DMD: variants seen among roughly 807,000 people sequenced by gnomAD.
The protein encoded by DMD is mutant dystrophin.
A neutral mutation model predicts 330.1 loss-of-function variants in DMD; 63 were observed. The ratio of observed to expected loss-of-function variants is 0.19; its 90% confidence interval spans 0.16 to 0.24. The LOEUF is 0.24. Ranked by LOEUF, DMD falls within the 10% of genes least tolerant of loss-of-function variation. DMD has a pLI of 1.00. For synonymous variants in DMD, 1,223 were observed against 959.8 expected, an observed-to-expected ratio of 1.27 and a Z score of -5.07; for missense variants, 3,344 against 2,684.1, an observed-to-expected ratio of 1.25 and a Z score of -5.43.
chrX:31,283,162 T>G (rs1603293874), intron 62 of DMD, among the ~76,000 whole-genome samples: 1 of 111,682 alleles, frequency 9.0e-6, no homozygotes, highest in East Asian at 2.8e-4. Context: ...AACATAAAAA[T>G]TAACAAAAGC....
intron 55 of DMD, among the ~76,000 whole-genome samples, chrX:31,582,149 AG>A (rs1204026389): frequency 1.8e-5 from 2 of 111,921 alleles, no homozygotes; most frequent in Non-Finnish European, 3.8e-5. Context: ...ACAAAGTTTT[AG>A]GGGGCGTGTT....
intron 2 of DMD, among the ~76,000 whole-genome samples, chrX:33,013,874 G>A (rs2093750246): frequency 9.0e-6 from 1 of 110,869 alleles, no homozygotes; most frequent in Admixed American, 9.7e-5. Flanking sequence ...TACGTGTTGA[G>A]GACATGAATT....
At chrX:31,559,118 T>G (rs1473150836) in intron 55 of DMD, among the ~76,000 whole-genome samples, 3 of 112,363 alleles carry the variant, frequency 2.7e-5, no homozygotes, top group Non-Finnish European at 5.6e-5. Context: ...AAAGCAAAGA[T>G]ACTTTTCAGC....
At chrX:32,656,394 C>T (rs1453080452) in intron 9 of DMD, among the ~76,000 whole-genome samples, 1 of 111,620 alleles carries the variant, frequency 9.0e-6, no homozygotes, top group African/African-American at 3.3e-5. Flanking sequence ...TCACTCCCAT[C>T]TACACAACAT....
At chrX:32,515,681 C>T (rs1339699013) in intron 18 of DMD, among the ~76,000 whole-genome samples, 4 of 111,844 alleles carry the variant, frequency 3.6e-5, no homozygotes, top group South Asian at 3.7e-4. Context: ...GTAACTGCTA[C>T]GTAAAGCCCA....
At chrX:32,836,446 T>C (rs991855117) in intron 4 of DMD, among the ~76,000 whole-genome samples, 4 of 111,744 alleles carry the variant, frequency 3.6e-5, no homozygotes, top group African/African-American at 1.3e-4. Context: ...ACATTTGTTT[T>C]TCTCCCTCCT....
chrX:31,502,947 A>C (rs1603273791), intron 56 of DMD, among the ~76,000 whole-genome samples: 1 of 111,904 alleles, frequency 8.9e-6, no homozygotes, highest in Non-Finnish European at 1.9e-5. Context: ...ACATTTAAGT[A>C]AATAATTTTC....
At chrX:31,759,912 T>C (rs1231438568) in intron 51 of DMD, among the ~76,000 whole-genome samples, 3 of 111,578 alleles carry the variant, frequency 2.7e-5, no homozygotes, top group Middle Eastern at 4.6e-3. Context: ...TGTAGAGAAA[T>C]CAAGTGACTC....
intron 52 of DMD, among the ~76,000 whole-genome samples, chrX:31,686,613 A>T (rs1356313529): frequency 8.9e-6 from 1 of 112,428 alleles, no homozygotes; most frequent in Non-Finnish European, 1.9e-5. Context: ...AAATTAAAAG[A>T]TATGGGAGGG....
At chrX:33,212,392 C>T (rs185018299), upstream of DMD, among the ~76,000 whole-genome samples, 144 of 111,661 alleles carry the variant, frequency 1.3e-3, no homozygotes, top group African/African-American at 4.6e-3. Flanking sequence ...CATTCTTTGC[C>T]AATAGAAAGC....
chrX:32,802,496 G>A (rs1479636387), intron 7 of DMD, among the ~76,000 whole-genome samples: 1 of 111,615 alleles, frequency 9.0e-6, no homozygotes, highest in Non-Finnish European at 1.9e-5. Flanking sequence ...GTGCTGGCCA[G>A]AACTTCCAAT....
chrX:33,218,491 CTATAGA>C (rs1188210680), intron 1 of DMD, among the ~76,000 whole-genome samples: 2 of 110,472 alleles, frequency 1.8e-5, no homozygotes, highest in Non-Finnish European at 3.8e-5. Flanking sequence ...ACTTTTTTGC[CTATAGA>C]TAAAGTGTCT....
intron 62 of DMD, among the ~76,000 whole-genome samples, chrX:31,307,407 T>C (rs2055125308): frequency 8.9e-6 from 1 of 111,907 alleles, no homozygotes; most frequent in Non-Finnish European, 1.9e-5. Flanking sequence ...TGGAATATAA[T>C]TGGCAATTTT....
intron 16 of DMD, among the ~76,000 whole-genome samples, chrX:32,547,112 G>C (rs1203759053): frequency 1.8e-5 from 2 of 110,675 alleles, no homozygotes; most frequent in Non-Finnish European, 3.8e-5. Context: ...GCATACAGTG[G>C]AGGCTAGAAG....
At chrX:33,041,575 C>T in intron 1 of DMD, 1 of 1,208,497 alleles carries the variant, frequency 8.3e-7, no homozygotes, top group Non-Finnish European at 1.1e-6. Context: ...ACAAGAATCC[C>T]GGATGATGAT....
At chrX:32,934,573 G>C (rs897154467) in intron 2 of DMD, among the ~76,000 whole-genome samples, 4 of 111,285 alleles carry the variant, frequency 3.6e-5, no homozygotes, top group Admixed American at 2.9e-4. Flanking sequence ...ATCTATGCTT[G>C]CCTCCAATTT....
chrX:32,619,441 G>A (rs137864526), intron 11 of DMD, among the ~76,000 whole-genome samples: 170 of 111,497 alleles, frequency 1.5e-3, no homozygotes, highest in Non-Finnish European at 2.5e-3. Flanking sequence ...TGTAGAGAGA[G>A]AGGACGTTAA....
chrX:32,614,173 AT>A, intron 12 of DMD, 129 bp downstream of exon 12: 1 of 711,234 alleles, frequency 1.4e-6, no homozygotes, highest in Non-Finnish European at 2.0e-6. Context: ...GGTAAAAATA[AT>A]TTTTAAAATA....
Position 31,510,560 on chromosome X carries a change from C to T in DMD, c.8218-3107G>A, listed in dbSNP as rs775293105. ...TCTCGCTCTGTCACCCAGGCTGGAG[C>T]ACAGTGGCGCGATCTTGGCTCACTG... On this transcript the variant is annotated intron_variant, in intron 55 of 78. Coordinates refer to ENST00000357033, the MANE Select transcript of DMD (RefSeq NM_004006.3). Among the ~76,000 whole-genome samples, 175 of 100,684 alleles carry T rather than the reference C, an allele frequency of 1.7e-3. 1 individual carries two copies. The highest frequency in any genetic ancestry group is 5.5e-3 in the African/African-American group (147 of 26,797). 87.4% of individuals were successfully genotyped at this position (100,684 alleles called of 115,157 possible). A position where few individuals can be genotyped will look rare whatever the true frequency, so the allele number is the denominator to read the frequency against.
Sources: gnomAD v4.1 joint callset for allele counts (sites outside exome capture counted in the v4.1 genomes callset) on GRCh38, gnomAD v4.1.1 for gene constraint, MANE v1.5 for transcripts, NCBI Gene and HGNC (gene_info 2026-07-23, HGNC 2026-07-21) for gene names.